DPP10: variants seen among roughly 807,000 people sequenced by gnomAD.
DPP10 encodes the protein inactive dipeptidyl peptidase 10.
Under a neutral mutation model 120.9 loss-of-function variants are expected in DPP10, and 33 were observed. The observed-to-expected ratio is 0.27, with a 90% CI of 0.21 to 0.37. The LOEUF (loss-of-function observed/expected upper bound fraction) is 0.37, where lower values mean the gene tolerates loss of function less well. Ranked by LOEUF, DPP10 falls within the 10% of genes least tolerant of loss-of-function variation. DPP10 has a pLI of 1.00. For missense variants in DPP10, 816 were observed against 942.8 expected, an observed-to-expected ratio of 0.87 and a Z score of 1.76; for synonymous variants, 337 against 326.1, an observed-to-expected ratio of 1.03 and a Z score of -0.36.
intron 1 of DPP10, among the ~76,000 whole-genome samples, chr2:115,286,513 AATATATATATATAATAT>A (rs2060394084): frequency 2.6e-5 from 1 of 38,542 alleles, no homozygotes; most frequent in Non-Finnish European, 6.2e-5. Context: ...TTACATATAT[AATATATATATATAATAT>A]ATATATATAT....
At chr2:114,504,274 A>G (rs1433907477) in intron 1 of DPP10, among the ~76,000 whole-genome samples, 1 of 152,164 alleles carries the variant, frequency 6.6e-6, no homozygotes, top group Non-Finnish European at 1.5e-5. Context: ...CTATGAGACA[A>G]ATGTTCATTA....
At chr2:114,668,900 T>G (rs1573928959) in intron 1 of DPP10, among the ~76,000 whole-genome samples, 1 of 152,166 alleles carries the variant, frequency 6.6e-6, no homozygotes, top group Non-Finnish European at 1.5e-5. Flanking sequence ...TACATACATG[T>G]AATGAATCAG....
At chr2:115,740,436 A>C (rs1677111492) in intron 9 of DPP10, among the ~76,000 whole-genome samples, 1 of 152,120 alleles carries the variant, frequency 6.6e-6, no homozygotes, top group Non-Finnish European at 1.5e-5. Context: ...CTCAATAAAG[A>C]AAGGACCAAG....
At chr2:114,588,815 T>A (rs907533846) in intron 1 of DPP10, among the ~76,000 whole-genome samples, 3 of 152,188 alleles carry the variant, frequency 2.0e-5, no homozygotes, top group Admixed American at 6.5e-5. Context: ...AAGGTCTCCA[T>A]AACCATCTGG....
chr2:115,781,898 C>T (rs1682802628), intron 16 of DPP10, among the ~76,000 whole-genome samples: 1 of 151,824 alleles, frequency 6.6e-6, no homozygotes, highest in African/African-American at 2.4e-5. Context: ...ATATAGTTAC[C>T]ACCCAATTTT....
chr2:115,411,483 G>A (rs144110192), intron 3 of DPP10, among the ~76,000 whole-genome samples: 80 of 152,284 alleles, frequency 5.3e-4, no homozygotes, highest in African/African-American at 1.9e-3. Flanking sequence ...CCTTGATAAA[G>A]TCTTAGTAAA....
intron 1 of DPP10, among the ~76,000 whole-genome samples, chr2:114,467,159 C>A (rs533422732): frequency 4.6e-5 from 7 of 152,094 alleles, no homozygotes; most frequent in African/African-American, 7.2e-5. Flanking sequence ...AAAGAGGCAA[C>A]CTTACACTTT....
chr2:114,654,682 A>T (rs2105506667), intron 1 of DPP10, among the ~76,000 whole-genome samples: 1 of 152,248 alleles, frequency 6.6e-6, no homozygotes, highest in East Asian at 1.9e-4. Flanking sequence ...AAGATCTGGC[A>T]GCATTGGGCC....
rs55773986 is a variant in DPP10, at chr2:115,831,235, CTTCTTTCTTTCT to C, written c.1951-4907_1951-4896del. Among the ~76,000 whole-genome samples, 5 of 151,344 alleles carry C rather than the reference CTTCTTTCTTTCT, an allele frequency of 3.3e-5. No individual in the cohort carries two copies. In the South Asian group the frequency reaches 8.3e-4, roughly 25 times the overall value. On this transcript the variant is annotated intron_variant, in intron 21 of 25. Transcript: ENST00000410059. ...CACAAGTTTAAATTCGCACAGATCA[CTTCTTTCTTTCT>C]TTCTTTCTTTCTTTATTTTGAGACG... is the stretch of plus-strand genomic sequence containing the variant.
intron 2 of DPP10, among the ~76,000 whole-genome samples, chr2:115,334,230 G>GTTTTTTTTTTTGTT (rs1553554647): frequency 1.8e-5 from 1 of 56,412 alleles, no homozygotes; most frequent in East Asian, 5.5e-4. Context: ...AGCAGACTCT[G>GTTTTTTTTTTTGTT]TTTTTTTTTT....
intron 7 of DPP10, among the ~76,000 whole-genome samples, chr2:115,704,342 G>A (rs1023988313): frequency 9.9e-5 from 15 of 151,394 alleles, no homozygotes; most frequent in East Asian, 9.7e-4. Flanking sequence ...TGAATAGTTC[G>A]CTTTTTGGGA....
intron 1 of DPP10, among the ~76,000 whole-genome samples, chr2:114,643,496 C>T (rs1695869863): frequency 6.6e-6 from 1 of 151,872 alleles, no homozygotes; most frequent in African/African-American, 2.4e-5. Context: ...CAGGGTTTAA[C>T]CCATGTGAGC....
At chr2:115,683,842 T>C (rs1412060404) in intron 5 of DPP10, among the ~76,000 whole-genome samples, 1 of 151,850 alleles carries the variant, frequency 6.6e-6, no homozygotes. Flanking sequence ...CATGCTTGCA[T>C]TTTTTTCTTT....
chr2:115,606,633 C>G (rs1464269135), intron 5 of DPP10, among the ~76,000 whole-genome samples: 3 of 152,112 alleles, frequency 2.0e-5, no homozygotes, highest in African/African-American at 7.2e-5. Flanking sequence ...AAGGGACACC[C>G]TTTAGTCAGT....
intron 1 of DPP10, among the ~76,000 whole-genome samples, chr2:114,998,251 G>T (rs1478004889): frequency 6.6e-6 from 1 of 152,146 alleles, no homozygotes; most frequent in Admixed American, 6.5e-5. Context: ...GTATGTTAAA[G>T]GACCTCGGAC....
At chr2:115,468,312 C>T in intron 3 of DPP10, 1 of 514,614 alleles carries the variant, frequency 1.9e-6, no homozygotes, top group Admixed American at 2.0e-5. Context: ...GAGGGCTCTG[C>T]CAAAGTTTGC....
At chr2:114,486,248 C>T (rs77849152) in intron 1 of DPP10, among the ~76,000 whole-genome samples, 2,061 of 151,802 alleles carry the variant, frequency 0.014, 39 homozygotes, top group African/African-American at 0.048. Context: ...TTGTACACTG[C>T]ATTTCAATTT....
At chr2:114,729,034 A>G (rs1210590494) in intron 1 of DPP10, among the ~76,000 whole-genome samples, 6 of 152,226 alleles carry the variant, frequency 3.9e-5, no homozygotes, top group Admixed American at 2.0e-4. Flanking sequence ...TAACGGAGAC[A>G]GGGTTTATAA....
intron 3 of DPP10, among the ~76,000 whole-genome samples, chr2:115,392,561 G>A (rs2067390544): frequency 6.6e-6 from 1 of 151,998 alleles, no homozygotes; most frequent in Non-Finnish European, 1.5e-5. Flanking sequence ...AAGAGCATAA[G>A]TGGAAAACAT....
Sources: gnomAD v4.1 joint callset for allele counts (sites outside exome capture counted in the v4.1 genomes callset) on GRCh38, gnomAD v4.1.1 for gene constraint, MANE v1.5 for transcripts, NCBI Gene and HGNC (gene_info 2026-07-23, HGNC 2026-07-21) for gene names.